Variants in MYT1L observed in about 807,000 individuals in gnomAD.
MYT1L encodes myelin transcription factor 1-like protein.
In MYT1L, 12 loss-of-function variants were observed where a neutral mutation model predicts 126.7. That is an observed-to-expected ratio of 0.09 (90% CI 0.06 to 0.15). MYT1L has a LOEUF of 0.15. MYT1L is among the 10% of genes least tolerant of loss of function. The pLI, the probability that MYT1L is intolerant of heterozygous loss-of-function variation, is 1.00. For missense variants in MYT1L, 979 were observed against 1,585.2 expected, an observed-to-expected ratio of 0.62 and a Z score of 6.49; for synonymous variants, 541 against 604.2, an observed-to-expected ratio of 0.90 and a Z score of 1.53.
chr2:2,250,813 G>T (rs6548120), intron 2 of MYT1L, among the ~76,000 whole-genome samples: 3 of 151,676 alleles, frequency 2.0e-5, no homozygotes, highest in East Asian at 1.9e-4. Flanking sequence ...GAACTAAAAA[G>T]GAAATTGAGA....
chr2:2,107,012 G>A (rs1348253627), intron 3 of MYT1L, among the ~76,000 whole-genome samples: 1 of 151,506 alleles, frequency 6.6e-6, no homozygotes, highest in African/African-American at 2.4e-5. Context: ...TCCAGAGCTG[G>A]AAGTACCTCA....
At chr2:1,856,923 G>C (rs2043989269) in intron 18 of MYT1L, among the ~76,000 whole-genome samples, 1 of 149,212 alleles carries the variant, frequency 6.7e-6, no homozygotes. Flanking sequence ...CATTGTCCAG[G>C]GGTCAGGACA....
chr2:1,892,988 G>C (rs755459851), intron 14 of MYT1L, among the ~76,000 whole-genome samples: 1 of 152,118 alleles, frequency 6.6e-6, no homozygotes, highest in Non-Finnish European at 1.5e-5. Flanking sequence ...GATAAATGTC[G>C]AAACACCTGA....
intron 14 of MYT1L, among the ~76,000 whole-genome samples, chr2:1,895,401 A>G (rs2049443280): frequency 1.3e-5 from 2 of 152,358 alleles, no homozygotes; most frequent in South Asian, 4.1e-4. Context: ...AAATAGCCAA[A>G]GCAATCCTAA....
intron 9 of MYT1L, among the ~76,000 whole-genome samples, chr2:1,940,894 G>A (rs2056571857): frequency 6.6e-6 from 1 of 152,260 alleles, no homozygotes; most frequent in Non-Finnish European, 1.5e-5. Flanking sequence ...CGCAGAGTTA[G>A]AAATCCTGGG....
At chr2:1,819,199 A>C (rs918382810) in intron 21 of MYT1L, among the ~76,000 whole-genome samples, 1 of 152,216 alleles carries the variant, frequency 6.6e-6, no homozygotes, top group Non-Finnish European at 1.5e-5. Context: ...AAACACTGTT[A>C]GGAGAAGAAG....
intron 21 of MYT1L, among the ~76,000 whole-genome samples, chr2:1,834,803 A>G (rs996907786): frequency 4.0e-5 from 6 of 150,032 alleles, no homozygotes; most frequent in East Asian, 4.0e-4. Flanking sequence ...GGATACAGGT[A>G]CTCCTCCACA....
intron 18 of MYT1L, among the ~76,000 whole-genome samples, chr2:1,882,384 G>A (rs2047679072): frequency 6.6e-6 from 1 of 152,036 alleles, no homozygotes; most frequent in Non-Finnish European, 1.5e-5. Context: ...CAAGTCAGCT[G>A]CCGAATGGTT....
At chr2:1,999,999 C>T (rs916610787) in intron 4 of MYT1L, among the ~76,000 whole-genome samples, 2 of 152,214 alleles carry the variant, frequency 1.3e-5, no homozygotes, top group Non-Finnish European at 2.9e-5. Context: ...CTAGACAATG[C>T]TCCTTAAAGA....
At chr2:1,950,205 T>G (rs959831142) in intron 8 of MYT1L, among the ~76,000 whole-genome samples, 1 of 152,058 alleles carries the variant, frequency 6.6e-6, no homozygotes, top group African/African-American at 2.4e-5. Flanking sequence ...AAACCCCTTC[T>G]CCATGTCCTG....
At chr2:2,172,579 A>G (rs2090200949) in intron 3 of MYT1L, among the ~76,000 whole-genome samples, 1 of 152,252 alleles carries the variant, frequency 6.6e-6, no homozygotes, top group Non-Finnish European at 1.5e-5. Flanking sequence ...CAAGCACCAG[A>G]GGAGGGGCTG....
intron 18 of MYT1L, among the ~76,000 whole-genome samples, chr2:1,858,797 C>T (rs1272545459): frequency 6.6e-6 from 1 of 152,238 alleles, no homozygotes; most frequent in Non-Finnish European, 1.5e-5. Flanking sequence ...TTCTCCCACG[C>T]TAATACAGCA....
At chr2:2,185,864 C>G (rs1237382482) in intron 2 of MYT1L, among the ~76,000 whole-genome samples, 8,594 of 105,198 alleles carry the variant, frequency 0.082, 468 homozygotes, top group African/African-American at 0.15. Flanking sequence ...GCCTCCCAGA[C>G]GCCCGCGTTC....
intron 1 of MYT1L, among the ~76,000 whole-genome samples, chr2:2,294,060 GA>G (rs1331690458): frequency 1.3e-5 from 2 of 151,874 alleles, no homozygotes; most frequent in African/African-American, 2.4e-5. Flanking sequence ...AGGAGGAAGA[GA>G]AAAAAAATCT....
At chr2:2,185,687 G>GCCGGGCCTT in intron 2 of MYT1L, among the ~76,000 whole-genome samples, 1 of 141,252 alleles carries the variant, frequency 7.1e-6, no homozygotes, top group Non-Finnish European at 1.5e-5. Context: ...GGGGGACGCA[G>GCCGGGCCTT]CCGGGCCTTC....
chr2:2,190,607 T>C (rs1559288476), intron 2 of MYT1L, among the ~76,000 whole-genome samples: 1 of 151,080 alleles, frequency 6.6e-6, no homozygotes, highest in Non-Finnish European at 1.5e-5. Flanking sequence ...AGAAAGTACT[T>C]GTGTCCTGGA....
Position 2,095,794 on chromosome 2 carries a change from G to A in MYT1L, c.-303-41671C>T, listed in dbSNP as rs920046161. Reference sequence around the variant, plus strand: ...TCATCGCCCCGGGCACCCCCTGACCGCTCACACTCAGCACTTTACTCTGTC... The same window carrying A: ...TCATCGCCCCGGGCACCCCCTGACCACTCACACTCAGCACTTTACTCTGTC... On this transcript the variant is annotated intron_variant, in intron 3 of 24. Coordinates refer to ENST00000647738, the MANE Select transcript of MYT1L (RefSeq NM_001303052.2). 7.2e-5 allele frequency among the ~76,000 whole-genome samples: 11 copies of A among 152,236 alleles called. No individual in the cohort carries two copies. The East Asian group carries it at 9.7e-4, about 13-fold the overall frequency.
chr2:1,969,067 C>T (rs1446529192), intron 8 of MYT1L, among the ~76,000 whole-genome samples: 4 of 152,256 alleles, frequency 2.6e-5, no homozygotes, highest in South Asian at 4.1e-4. Flanking sequence ...TTCTTAAATA[C>T]TGCCTTGCTT....
In MYT1L at chr2:2,140,616, A is replaced by G. The variant is rs375042709; in HGVS notation, c.-304+32256T>C. ...CGCCTGGCTAATTTTTTGTATTTTTAGTAGAGACGGGGTTTCACCATGTTA... is the reference window on the plus strand; with the variant it reads ...CGCCTGGCTAATTTTTTGTATTTTTGGTAGAGACGGGGTTTCACCATGTTA... On this transcript the variant is annotated intron_variant, in intron 3 of 24. Coordinates refer to ENST00000647738, the MANE Select transcript of MYT1L (RefSeq NM_001303052.2). 2.6e-4 allele frequency among the ~76,000 whole-genome samples: 39 copies of G among 151,778 alleles called. 1 individual carries two copies. Among genetic ancestry groups the G allele is most frequent in the Middle Eastern group, 3.4e-3 (1 of 294 alleles).
Sources: allele counts gnomAD v4.1 joint callset (sites outside exome capture counted in the v4.1 genomes callset), GRCh38; gene constraint gnomAD v4.1.1; transcripts MANE v1.5; gene names NCBI Gene and HGNC (gene_info 2026-07-23, HGNC 2026-07-21).